Variants in PMEPA1 observed in about 807,000 individuals in gnomAD.
PMEPA1 encodes prostate transmembrane protein, androgen induced 1, also known as protein TMEPAI.
A neutral mutation model predicts 23.0 loss-of-function variants in PMEPA1; 11 were observed. That is an observed-to-expected ratio of 0.48 (90% CI 0.30 to 0.79). PMEPA1 has a LOEUF of 0.79. Ranked by LOEUF, PMEPA1 falls within the 30% of genes least tolerant of loss-of-function variation. The probability of loss-of-function intolerance (pLI) is 0.06; values close to 1 mark genes in which losing one functional copy is unlikely to be tolerated. For synonymous variants in PMEPA1, 204 were observed against 166.4 expected, an observed-to-expected ratio of 1.23 and a Z score of -1.74; for missense variants, 377 against 390.9, an observed-to-expected ratio of 0.96 and a Z score of 0.30.
chr20:57,698,615 G>A (rs547945715), intron 1 of PMEPA1, among the ~76,000 whole-genome samples: 81 of 152,282 alleles, frequency 5.3e-4, no homozygotes, highest in African/African-American at 1.9e-3. Flanking sequence ...TTGTTTTTAG[G>A]AAGGCAATTA....
chr20:57,698,081 C>G (rs940120787), intron 1 of PMEPA1, among the ~76,000 whole-genome samples: 1 of 152,114 alleles, frequency 6.6e-6, no homozygotes, highest in Non-Finnish European at 1.5e-5. Flanking sequence ...TGACTTGAAA[C>G]GTCTCTCCAG....
intron 1 of PMEPA1, among the ~76,000 whole-genome samples, chr20:57,671,356 G>C (rs1259381226): frequency 6.6e-6 from 1 of 152,120 alleles, no homozygotes; most frequent in Admixed American, 6.5e-5. Flanking sequence ...ATGGGGAACG[G>C]GTGGGCGTGG....
intron 1 of PMEPA1, among the ~76,000 whole-genome samples, chr20:57,673,898 C>T (rs976981721): frequency 2.0e-5 from 3 of 152,208 alleles, no homozygotes; most frequent in Admixed American, 6.5e-5. Context: ...GTTTTCCCAC[C>T]TTCAGACCCC....
intron 1 of PMEPA1, among the ~76,000 whole-genome samples, chr20:57,664,038 G>A (rs899946527): frequency 2.6e-5 from 4 of 152,224 alleles, no homozygotes; most frequent in South Asian, 2.1e-4. Flanking sequence ...TCCAGGAGAC[G>A]CTCAGCTTTA....
Position 57,709,736 on chromosome 20 carries a change from CG to C in PMEPA1, c.-155del. ...CGGGCTCGGGTCGCCGCCAAGTTCC[CG>C]GGGCGCCGCGGGGCTCAGTGCGCGG... On this transcript the variant is annotated 5_prime_UTR_variant, in exon 1 of 4. Coordinates refer to ENST00000341744, the MANE Select transcript of PMEPA1 (RefSeq NM_020182.5). The C allele has an allele frequency of 1.0e-6, 1 of 979,474 alleles. No individual in the cohort carries two copies. The allele number at this position is 979,474 out of a possible 1,614,324, so 60.7% of individuals were successfully genotyped here. A position where few individuals can be genotyped will look rare whatever the true frequency, so the allele number is the denominator to read the frequency against.
intron 1 of PMEPA1, 26 bp from the exon 2 acceptor site, chr20:57,659,723 A>AGACCCTGGACACCTGC: frequency 6.4e-7 from 1 of 1,552,568 alleles, no homozygotes; most frequent in Non-Finnish European, 8.7e-7. Context: ...GGGACACGTG[A>AGACCCTGGACACCTGC]GACCCTGGAC....
At chr20:57,708,059 G>A (rs1292607584) in intron 1 of PMEPA1, among the ~76,000 whole-genome samples, 1 of 152,204 alleles carries the variant, frequency 6.6e-6, no homozygotes, top group African/African-American at 2.4e-5. Flanking sequence ...GAGGTGGATG[G>A]ATGGAAGGAC....
chr20:57,676,664 G>C (rs1311365291), intron 1 of PMEPA1, among the ~76,000 whole-genome samples: 2 of 152,220 alleles, frequency 1.3e-5, no homozygotes, highest in Non-Finnish European at 2.9e-5. Context: ...CGACTGGCTG[G>C]GGATCAGCTC....
intron 1 of PMEPA1, among the ~76,000 whole-genome samples, chr20:57,692,038 G>T (rs1056018229): frequency 1.3e-5 from 2 of 152,158 alleles, no homozygotes; most frequent in East Asian, 3.9e-4. Flanking sequence ...CTTTTCACGG[G>T]TAGGTCCCGG....
At chr20:57,696,831 G>A (rs2071948339) in intron 1 of PMEPA1, among the ~76,000 whole-genome samples, 1 of 152,226 alleles carries the variant, frequency 6.6e-6, no homozygotes, top group Non-Finnish European at 1.5e-5. Flanking sequence ...AGATTTCTGT[G>A]GAGAGAGGCT....
At chr20:57,670,311 A>G (rs157083) in intron 1 of PMEPA1, among the ~76,000 whole-genome samples, 146,565 of 152,234 alleles carry the variant, frequency 0.96, 70,603 homozygotes, top group East Asian at 1. Flanking sequence ...TGTCTTCTCT[A>G]GGCCTCCGTG....
intron 2 of PMEPA1, among the ~76,000 whole-genome samples, chr20:57,658,541 TG>T (rs2071359443): frequency 6.6e-6 from 1 of 152,090 alleles, no homozygotes; most frequent in South Asian, 2.1e-4. Context: ...GATGGATGGA[TG>T]GAAGTGCTTT....
At chr20:57,681,244 G>A (rs371580934) in intron 1 of PMEPA1, among the ~76,000 whole-genome samples, 1 of 152,140 alleles carries the variant, frequency 6.6e-6, no homozygotes, top group Non-Finnish European at 1.5e-5. Flanking sequence ...ATGGAATCAC[G>A]GCAGTGGGGA....
chr20:57,661,086 C>G (rs1256316102), intron 1 of PMEPA1, among the ~76,000 whole-genome samples: 1 of 152,236 alleles, frequency 6.6e-6, no homozygotes, highest in Admixed American at 6.5e-5. Context: ...AACCCACATT[C>G]CAGATGGCTG....
chr20:57,673,304 TTCTCTGGCTG>T (rs1157727636), intron 1 of PMEPA1, among the ~76,000 whole-genome samples: 1 of 152,142 alleles, frequency 6.6e-6, no homozygotes, highest in African/African-American at 2.4e-5. Flanking sequence ...AGCCACTTCC[TTCTCTGGCTG>T]TCTCTGGCAG....
chr20:57,707,126 A>AC (rs1348155745), intron 1 of PMEPA1, among the ~76,000 whole-genome samples: 5 of 152,282 alleles, frequency 3.3e-5, no homozygotes, highest in Non-Finnish European at 4.4e-5. Flanking sequence ...CCAACTCCAA[A>AC]CCATCCATCA....
At chr20:57,674,449 G>T (rs373750825) in intron 1 of PMEPA1, among the ~76,000 whole-genome samples, 1 of 152,196 alleles carries the variant, frequency 6.6e-6, no homozygotes, top group Non-Finnish European at 1.5e-5. Context: ...CACAGTCCGG[G>T]GTTATTTTAT....
intron 1 of PMEPA1, among the ~76,000 whole-genome samples, chr20:57,701,722 A>G (rs1231781090): frequency 6.6e-6 from 1 of 152,142 alleles, no homozygotes; most frequent in African/African-American, 2.4e-5. Context: ...CAGAGGGTCA[A>G]CTGGAGACTC....
chr20:57,707,655 T>A (rs957093441), intron 1 of PMEPA1, among the ~76,000 whole-genome samples: 1 of 151,908 alleles, frequency 6.6e-6, no homozygotes, highest in Non-Finnish European at 1.5e-5. Flanking sequence ...CTTTTTTTTT[T>A]TTTTTTTAAG....
Sources: gnomAD v4.1 joint callset for allele counts (sites outside exome capture counted in the v4.1 genomes callset) on GRCh38, gnomAD v4.1.1 for gene constraint, MANE v1.5 for transcripts, NCBI Gene and HGNC (gene_info 2026-07-23, HGNC 2026-07-21) for gene names.